The following PCDHA4 variants were observed in gnomAD, a reference collection of about 807,000 sequenced individuals.
PCDHA4 encodes the protein protocadherin alpha 4.
Under a neutral mutation model 61.4 loss-of-function variants are expected in PCDHA4, and 49 were observed. The observed-to-expected ratio is 0.80, with a 90% confidence interval of 0.63 to 1.01. PCDHA4 has a LOEUF of 1.01. Among genes scored for constraint, PCDHA4 ranks in the 50% least tolerant of loss-of-function variants. The pLI, the probability that PCDHA4 is intolerant of heterozygous loss-of-function variation, is 0.00. For synonymous variants in PCDHA4, 590 were observed against 550.3 expected, an observed-to-expected ratio of 1.07 and a Z score of -1.01; for missense variants, 1,254 against 1,235.8, an observed-to-expected ratio of 1.01 and a Z score of -0.22.
chr5:140,835,575 G>C (rs1554135076), intron 1 of PCDHA4: 3 of 1,613,752 alleles, frequency 1.9e-6, no homozygotes, highest in Non-Finnish European at 2.5e-6. Flanking sequence ...CTTCAAGTTG[G>C]TGTCCACCTT....
At chr5:140,912,897 G>GT (rs1364534308) in intron 1 of PCDHA4, among the ~76,000 whole-genome samples, 12 of 152,290 alleles carry the variant, frequency 7.9e-5, no homozygotes, top group Admixed American at 3.3e-4. Context: ...TTGATATGAT[G>GT]TATCATATTG....
intron 1 of PCDHA4, chr5:140,849,963 G>T: frequency 6.3e-7 from 1 of 1,597,872 alleles, no homozygotes; most frequent in Middle Eastern, 1.9e-4. Flanking sequence ...GAACGCCCTG[G>T]TGTCCTACTC....
At chr5:140,849,085 G>A (rs2040774319) in intron 1 of PCDHA4, 2 of 1,513,328 alleles carry the variant, frequency 1.3e-6, no homozygotes, top group South Asian at 2.3e-5. Context: ...CTTGTATTAC[G>A]GAAACTTTTA....
At chr5:140,932,413 A>G (rs2088287956) in intron 1 of PCDHA4, among the ~76,000 whole-genome samples, 1 of 151,930 alleles carries the variant, frequency 6.6e-6, no homozygotes, top group Admixed American at 6.6e-5. Flanking sequence ...ATGTTATATT[A>G]GTGTATTGTT....
intron 1 of PCDHA4, among the ~76,000 whole-genome samples, chr5:140,935,656 CTTTTA>C (rs1300447387): frequency 6.6e-6 from 1 of 151,868 alleles, no homozygotes; most frequent in African/African-American, 2.4e-5. Context: ...TTTTAATTTT[CTTTTA>C]TAATTATGTG....
chr5:140,875,765 G>T (rs1554167926), intron 1 of PCDHA4: 2 of 1,614,252 alleles, frequency 1.2e-6, no homozygotes, highest in Middle Eastern at 1.6e-4. Context: ...CTGTGCGGGC[G>T]GAGCGCGGAG....
chr5:140,968,363 G>A, intron 1 of PCDHA4: 1 of 1,614,090 alleles, frequency 6.2e-7, no homozygotes, highest in Non-Finnish European at 8.5e-7. Flanking sequence ...CAGCCTTTAT[G>A]CTGTCAACTC....
In PCDHA4 at chr5:140,849,950, G is replaced by A. The variant is rs2150459734; in HGVS notation, c.2385+40378G>A. The A allele has an allele frequency of 1.4e-5, 22 of 1,598,026 alleles. 5 individuals carry two copies. In the African/African-American group the frequency reaches 2.5e-4, roughly 19 times the overall value. ...TGTCTGCGCGGGACGCTGACGCGCA[G>A]GAGAACGCCCTGGTGTCCTACTCGC... On this transcript the variant is annotated intron_variant, in intron 1 of 3. Transcript: ENST00000530339.
chr5:140,820,418 A>G (rs1280110402), intron 1 of PCDHA4, among the ~76,000 whole-genome samples: 1 of 152,030 alleles, frequency 6.6e-6, no homozygotes, highest in Admixed American at 6.5e-5. Flanking sequence ...ATGTAAAAGT[A>G]TCCAACAATA....
At chr5:140,983,513 C>G (rs893446292) in intron 3 of PCDHA4, among the ~76,000 whole-genome samples, 1 of 152,196 alleles carries the variant, frequency 6.6e-6, no homozygotes, top group South Asian at 2.1e-4. Flanking sequence ...TGCCTAGACA[C>G]TGTGCCAAGT....
rs147047116 is a variant in PCDHA4, at chr5:140,937,713, C to T, written c.2386-41236C>T. Among the ~76,000 whole-genome samples the T allele has an allele frequency of 7.0e-4, 107 of 151,998 alleles. No homozygotes were observed. The East Asian group carries it at 0.02, about 28-fold the overall frequency. On this transcript the variant is annotated intron_variant, in intron 1 of 3. Transcript: ENST00000530339. The stretch of plus-strand genomic sequence containing the variant: ...GGATCACGAGGTCAGGAGATCAAGA[C>T]CATCCTGGCTAACACGGTGAAACCC...
chr5:140,823,151 A>G (rs1554129165), intron 1 of PCDHA4: 2 of 1,613,766 alleles, frequency 1.2e-6, no homozygotes, highest in African/African-American at 1.3e-5. Flanking sequence ...CAGCCCCAGT[A>G]TACCGTGTTC....
rs143580970 is a variant in PCDHA4, at chr5:140,976,476, G to A, written c.2386-2473G>A. ...TGGGGAAGAAGAATTGCTTGAATCC[G>A]GGAGGCAGAGGTTGCAGGGAGCCAA... On this transcript the variant is annotated intron_variant, in intron 1 of 3. Transcript: ENST00000530339. 8.2e-3 allele frequency among the ~76,000 whole-genome samples: 1,253 copies of A among 152,132 alleles called. 22 individuals carry two copies. The highest frequency in any genetic ancestry group is 0.028 in the African/African-American group (1,179 of 41,504).
intron 1 of PCDHA4, among the ~76,000 whole-genome samples, chr5:140,886,142 TA>T (rs1473876165): frequency 6.6e-6 from 1 of 152,180 alleles, no homozygotes; most frequent in African/African-American, 2.4e-5. Flanking sequence ...AGATTCTTGA[TA>T]TCACCTTTTT....
chr5:140,938,979 C>T (rs1485638673), intron 1 of PCDHA4, among the ~76,000 whole-genome samples: 2 of 152,158 alleles, frequency 1.3e-5, no homozygotes, highest in Non-Finnish European at 2.9e-5. Flanking sequence ...TCAAGGCTAT[C>T]CTGGCTTTAT....
At chr5:140,918,766 C>T (rs1387250517) in intron 1 of PCDHA4, among the ~76,000 whole-genome samples, 2 of 152,170 alleles carry the variant, frequency 1.3e-5, no homozygotes, top group Non-Finnish European at 2.9e-5. Flanking sequence ...GGTGCCTTGC[C>T]TCTTTCACCA....
At chr5:140,946,797 CAG>C (rs1279078142) in intron 1 of PCDHA4, among the ~76,000 whole-genome samples, 2 of 151,052 alleles carry the variant, frequency 1.3e-5, no homozygotes, top group Non-Finnish European at 3.0e-5. Context: ...CTTATAGAAG[CAG>C]AGAGTATAAC....
At position 140,850,706 on chromosome 5, in the gene PCDHA4, G is replaced by A. The variant is rs2150495171; in HGVS notation, c.2385+41134G>A. ...AGGGCGAGTGCGCGCCTGGCAAGCC[G>A]ACGCTGGTGTGTTCTAGCGCGGTGG... is the stretch of plus-strand genomic sequence containing the variant. On this transcript the variant is annotated intron_variant, in intron 1 of 3. Coordinates refer to ENST00000530339, the MANE Select transcript of PCDHA4 (RefSeq NM_018907.4). 7 of 1,598,146 alleles carry A rather than the reference G, an allele frequency of 4.4e-6. No individual in the cohort carries two copies. In the East Asian group the frequency reaches 1.3e-4, roughly 31 times the overall value.
intron 1 of PCDHA4, chr5:140,967,313 C>T: frequency 6.2e-7 from 1 of 1,611,052 alleles, no homozygotes; most frequent in Non-Finnish European, 8.5e-7. Flanking sequence ...CAACTCAGTA[C>T]AGACCTACGA....
Sources: allele counts gnomAD v4.1 joint callset (sites outside exome capture counted in the v4.1 genomes callset), GRCh38; gene constraint gnomAD v4.1.1; transcripts MANE v1.5; gene names NCBI Gene and HGNC (gene_info 2026-07-23, HGNC 2026-07-21).